The following NPAS2 variants were observed in gnomAD, a reference collection of about 807,000 sequenced individuals.
NPAS2 encodes the protein neuronal PAS domain protein 2.
A neutral mutation model predicts 107.5 loss-of-function variants in NPAS2; 23 were observed. The ratio of observed to expected loss-of-function variants is 0.21; its 90% CI spans 0.15 to 0.30. The LOEUF (loss-of-function observed/expected upper bound fraction) is 0.30. Among genes scored for constraint, NPAS2 ranks in the 10% least tolerant of loss-of-function variants. The pLI is 1.00. For synonymous variants in NPAS2, 403 were observed against 417.5 expected, an observed-to-expected ratio of 0.97 and a Z score of 0.42; for missense variants, 756 against 1,043.3, an observed-to-expected ratio of 0.72 and a Z score of 3.79.
chr2:100,992,587 G>C (rs886153716), intron 19 of NPAS2, among the ~76,000 whole-genome samples: 1 of 152,214 alleles, frequency 6.6e-6, no homozygotes, highest in Non-Finnish European at 1.5e-5. Flanking sequence ...GCCATGTGAA[G>C]TTACTTCCTG....
rs138712138 is a variant in NPAS2 at position 100,968,079 on chromosome 2, A to G, written c.908-202A>G. 8.0e-4 allele frequency among the ~76,000 whole-genome samples: 122 copies of G among 152,306 alleles called. No individual in the cohort carries two copies. The highest frequency in any genetic ancestry group is 1.6e-3 in the Non-Finnish European group (110 of 68,020). ...AGCGTCTGAGCATTTGGGAAAGTATATGGATCACTCTTCCACTGTTTAAGA... is the reference window on the plus strand; with the variant it reads ...AGCGTCTGAGCATTTGGGAAAGTATGTGGATCACTCTTCCACTGTTTAAGA... On this transcript the variant is annotated intron_variant, in intron 10 of 20. Transcript: ENST00000335681. This position sits in a 1 kb window ranked among gnomAD's most constrained non-coding sequence, Gnocchi z 5.3.
chr2:100,852,509 C>A (rs1324816926), intron 1 of NPAS2, among the ~76,000 whole-genome samples: 4 of 152,220 alleles, frequency 2.6e-5, no homozygotes, highest in African/African-American at 9.6e-5. Context: ...CACGTAAGAA[C>A]AGGACTTGTT....
chr2:100,965,528 A>G lies in NPAS2; in HGVS notation c.801-132A>G, dbSNP rs2105160326. 4.9e-6 allele frequency: 3 copies of G among 608,000 alleles called. No homozygotes were observed. The highest frequency in any genetic ancestry group is 8.7e-6 in the Non-Finnish European group (3 of 343,612). The allele number at this position is 608,000 out of a possible 1,614,324, so 37.7% of individuals were successfully genotyped here. A position where few individuals can be genotyped will look rare whatever the true frequency, so the allele number is the denominator to read the frequency against. On this transcript the variant is annotated intron_variant, in intron 9 of 20. Transcript: ENST00000335681. The surrounding 1 kb of genome is among the most constrained non-coding windows in gnomAD (Gnocchi z 4.3). ...CAGCCTCTCTGATTTTGACCATTAC[A>G]AAGTTATTTTTCTCCCCTTGTTCTT...
chr2:100,917,661 A>G (rs982830835), intron 2 of NPAS2, among the ~76,000 whole-genome samples: 6 of 152,220 alleles, frequency 3.9e-5, no homozygotes, highest in Admixed American at 3.3e-4. Context: ...AAAGGGCCAT[A>G]AGGAAATACT....
At chr2:100,867,315 G>A (rs927590086) in intron 1 of NPAS2, among the ~76,000 whole-genome samples, 1 of 152,140 alleles carries the variant, frequency 6.6e-6, no homozygotes, top group Non-Finnish European at 1.5e-5. Context: ...TTTCTTTGAG[G>A]TATGGTGCTT....
At chr2:100,963,038 G>A (rs768666813) in intron 7 of NPAS2, among the ~76,000 whole-genome samples, 10 of 152,238 alleles carry the variant, frequency 6.6e-5, no homozygotes, top group East Asian at 1.9e-4. Context: ...AAGAAGATGC[G>A]TGAGAGCAGA....
At position 100,975,576 on chromosome 2, in the gene NPAS2, G is replaced by A. The variant is rs890808356; in HGVS notation, c.1392+9G>A. On this transcript the variant is annotated intron_variant, in intron 14 of 20. Transcript: ENST00000335681. ...AGGCAGCCACCATGCCGGTAAGTGT[G>A]TGACCCCAAACTCCTCCACGGGTGT... 1.4e-5 allele frequency: 22 copies of A among 1,601,718 alleles called. No homozygotes were observed. The highest frequency in any genetic ancestry group is 1.8e-5 in the Non-Finnish European group (21 of 1,172,216).
rs959614040 is a variant in NPAS2 at position 100,837,711 on chromosome 2, T to A, written c.-23+17297T>A. Among the ~76,000 whole-genome samples the A allele has an allele frequency of 5.3e-5, 8 of 152,228 alleles. No individual in the cohort carries two copies. In the East Asian group the frequency reaches 1.5e-3, roughly 29 times the overall value. ...TACTTGGGGTTAGCTGCTAATCTGA[T>A]TGAAGATAAATGGAGTTTTCCTCAG... is the stretch of plus-strand genomic sequence containing the variant. On this transcript the variant is annotated intron_variant, in intron 1 of 20. Transcript: ENST00000335681.
At chr2:100,952,020 C>T (rs1325951767) in intron 7 of NPAS2, among the ~76,000 whole-genome samples, 4 of 151,560 alleles carry the variant, frequency 2.6e-5, no homozygotes, top group South Asian at 4.2e-4. Flanking sequence ...GTGGTGGTGG[C>T]GGGCGCCTGT....
intron 1 of NPAS2, among the ~76,000 whole-genome samples, chr2:100,843,656 A>G (rs765952901): frequency 2.2e-4 from 33 of 152,184 alleles, no homozygotes; most frequent in South Asian, 4.1e-4. Flanking sequence ...GAAACATAAA[A>G]TGCTTTCCAC....
At chr2:100,879,526 GTAACCAC>G (rs1680202189) in intron 1 of NPAS2, among the ~76,000 whole-genome samples, 1 of 151,732 alleles carries the variant, frequency 6.6e-6, no homozygotes, top group Admixed American at 6.6e-5. Context: ...CAAACCCCTG[GTAACCAC>G]TATTTTCTTC....
chr2:100,937,976 C>T (rs1046669573), intron 5 of NPAS2, 134 bp downstream of exon 5: 3 of 777,572 alleles, frequency 3.9e-6, no homozygotes, highest in Non-Finnish European at 6.7e-6. Context: ...TAAAGGACTG[C>T]TGAGTTTTGG....
At chr2:100,988,773 CT>C (rs1469083031) in intron 17 of NPAS2, 1 of 272,774 alleles carries the variant, frequency 3.7e-6, no homozygotes, top group Non-Finnish European at 6.9e-6. Flanking sequence ...TCCTCCAGGT[CT>C]CCCTGCTCCT....
intron 18 of NPAS2, 81 bp downstream of exon 18, chr2:100,990,527 G>A (rs774716213): frequency 1.1e-5 from 16 of 1,438,138 alleles, no homozygotes; most frequent in South Asian, 3.6e-5. Context: ...TGCTTTAGAC[G>A]GAGGCAGAGT....
intron 1 of NPAS2, among the ~76,000 whole-genome samples, chr2:100,854,629 T>C (rs1678441351): frequency 6.6e-6 from 1 of 152,198 alleles, no homozygotes; most frequent in Non-Finnish European, 1.5e-5. Context: ...ACTCCAGCAT[T>C]AGCCTGAATT....
chr2:100,925,388 C>G (rs1272071919), intron 3 of NPAS2, 94 bp downstream of exon 3: 1 of 1,373,192 alleles, frequency 7.3e-7, no homozygotes. Flanking sequence ...GGTTTTGTCT[C>G]CCCAGCCAGG....
rs548993243 is a variant in NPAS2 at position 100,890,463 on chromosome 2, T to G, written c.-22-14270T>G. Among the ~76,000 whole-genome samples, 220 of 152,186 alleles carry G rather than the reference T, an allele frequency of 1.4e-3. 1 individual carries two copies. Among genetic ancestry groups the G allele is most frequent in the African/African-American group, 4.9e-3 (203 of 41,526 alleles). On this transcript the variant is annotated intron_variant, in intron 1 of 20. Coordinates refer to ENST00000335681, the MANE Select transcript of NPAS2 (RefSeq NM_002518.4). Reference sequence around the variant, plus strand: ...CAGGGACCCTAGCCTACGGGGAATCTCGGGGCAAGGAGAGGTGCAGGTGCT... The same window carrying G: ...CAGGGACCCTAGCCTACGGGGAATCGCGGGGCAAGGAGAGGTGCAGGTGCT...
At chr2:100,860,970 C>G (rs1678904277) in intron 1 of NPAS2, among the ~76,000 whole-genome samples, 1 of 151,948 alleles carries the variant, frequency 6.6e-6, no homozygotes, top group Non-Finnish European at 1.5e-5. Context: ...CAGCCTGGAA[C>G]TCCAGGGCTC....
At chr2:100,819,574 T>G (rs1464779005), upstream of NPAS2, among the ~76,000 whole-genome samples, 3 of 152,008 alleles carry the variant, frequency 2.0e-5, no homozygotes, top group African/African-American at 7.2e-5. This position sits in a 1 kb window ranked among gnomAD's most constrained non-coding sequence, Gnocchi z 5.8. Flanking sequence ...CGCGCAACCC[T>G]GCCCCTGGAG....
Sources: gnomAD v4.1 joint callset for allele counts (sites outside exome capture counted in the v4.1 genomes callset) on GRCh38, gnomAD v4.1.1 for gene constraint, Gnocchi (gnomAD v3.1) non-coding constraint, MANE v1.5 for transcripts, NCBI Gene and HGNC (gene_info 2026-07-23, HGNC 2026-07-21) for gene names.